NAV2: variants seen among roughly 807,000 people sequenced by gnomAD.
NAV2 encodes helicase, APC down-regulated 1.
NAV2 carries 54 observed loss-of-function variants against 223.2 expected under a neutral mutation model. That is an observed-to-expected ratio of 0.24 (90% CI 0.19 to 0.30). The LOEUF is 0.30. Ranked by LOEUF, NAV2 falls within the 10% of genes least tolerant of loss-of-function variation. NAV2 has a pLI of 1.00. For missense variants in NAV2, 2,806 were observed against 3,147.5 expected (o/e 0.89, Z 2.60); for synonymous variants, 1,279 against 1,239.3 (o/e 1.03, Z -0.67).
At chr11:19,594,992 A>G (rs1292235041) in intron 1 of NAV2, among the ~76,000 whole-genome samples, 2 of 152,214 alleles carry the variant, frequency 1.3e-5, no homozygotes, top group African/African-American at 4.8e-5. Flanking sequence ...ATTAGACACC[A>G]AGACAAGGAC....
intron 10 of NAV2, 122 bp downstream of exon 10, chr11:19,949,202 G>C (rs975350599): frequency 9.1e-7 from 1 of 1,102,758 alleles, no homozygotes; most frequent in Non-Finnish European, 1.3e-6. Context: ...AGTTTCTGCT[G>C]TCCATATCAA....
chr11:19,996,805 A>G lies in NAV2; in HGVS notation c.2768+12558A>G, dbSNP rs576272001. Among the ~76,000 whole-genome samples, 64 of 152,314 alleles carry G rather than the reference A, an allele frequency of 4.2e-4. 1 individual carries two copies. The highest frequency in any genetic ancestry group is 1.4e-3 in the African/African-American group (58 of 41,568). On this transcript the variant is annotated intron_variant, in intron 11 of 37. Coordinates refer to ENST00000349880, the MANE Select transcript of NAV2 (RefSeq NM_145117.5). The stretch of plus-strand genomic sequence containing the variant: ...TCTTCCTCATTAATCTGTGGCGCTC[A>G]GTACTGTAAAATTGCCTGAAACGAG...
chr11:19,488,340 G>A (rs1286836114), intron 1 of NAV2, among the ~76,000 whole-genome samples: 3 of 152,220 alleles, frequency 2.0e-5, no homozygotes, highest in African/African-American at 7.2e-5. Context: ...CAGTGCATTT[G>A]AGACTGTCAT....
At chr11:19,709,369 C>T (rs557076645), upstream of NAV2, among the ~76,000 whole-genome samples, 3 of 151,768 alleles carry the variant, frequency 2.0e-5, no homozygotes, top group South Asian at 2.1e-4. Flanking sequence ...GGTGGAACCC[C>T]GTCTCTACTA....
chr11:19,996,744 T>C (rs2051927662), intron 11 of NAV2, among the ~76,000 whole-genome samples: 1 of 152,242 alleles, frequency 6.6e-6, no homozygotes, highest in Admixed American at 6.5e-5. Flanking sequence ...GCTGCAGTCC[T>C]GTTATTTTCG....
At chr11:20,044,807 C>A (rs752650474) in intron 13 of NAV2, among the ~76,000 whole-genome samples, 161 bp from the exon 14 acceptor site, 1 of 152,078 alleles carries the variant, frequency 6.6e-6, no homozygotes. Context: ...AAAAGGCTCA[C>A]GGTACATTAG....
At chr11:19,765,525 G>A (rs551954755) in intron 1 of NAV2, among the ~76,000 whole-genome samples, 2 of 151,526 alleles carry the variant, frequency 1.3e-5, no homozygotes, top group Admixed American at 6.6e-5. Context: ...GCTGAAAGCT[G>A]TCCTTAACTG....
upstream of NAV2, among the ~76,000 whole-genome samples, chr11:19,348,168 G>A (rs1383718443): frequency 6.6e-6 from 1 of 152,204 alleles, no homozygotes. Context: ...CTGGTGTGAT[G>A]GGATGTGACA....
At chr11:19,835,357 G>C (rs750448855) in intron 2 of NAV2, among the ~76,000 whole-genome samples, 1 of 152,146 alleles carries the variant, frequency 6.6e-6, no homozygotes, top group African/African-American at 2.4e-5. Flanking sequence ...TGACTCTCTC[G>C]CCAGACTGGC....
At chr11:19,741,527 A>G (rs1257982549) in intron 1 of NAV2, among the ~76,000 whole-genome samples, 1 of 137,398 alleles carries the variant, frequency 7.3e-6, no homozygotes, top group Non-Finnish European at 1.5e-5. Flanking sequence ...GATTCCACAT[A>G]TAAGAGAGAT....
chr11:19,647,069 T>A (rs1474053430), intron 1 of NAV2, among the ~76,000 whole-genome samples: 1 of 152,062 alleles, frequency 6.6e-6, no homozygotes, highest in South Asian at 2.1e-4. Flanking sequence ...TTTCTCAGGG[T>A]CTCTGGCTTG....
Position 20,057,309 on chromosome 11 carries a change from G to A in NAV2, c.4831+1352G>A, listed in dbSNP as rs537605260. Among the ~76,000 whole-genome samples, 36 of 152,268 alleles carry A rather than the reference G, an allele frequency of 2.4e-4. No homozygotes were observed. In the South Asian group the frequency reaches 4.2e-3, roughly 18 times the overall value. On this transcript the variant is annotated intron_variant, in intron 19 of 37. Coordinates refer to ENST00000349880, the MANE Select transcript of NAV2 (RefSeq NM_145117.5). ...AAGTTTTAAAGAATGTATTTACAGAGCAATTGCCCCCTGGTTTATTTTCTT... is the reference window on the plus strand; with the variant it reads ...AAGTTTTAAAGAATGTATTTACAGAACAATTGCCCCCTGGTTTATTTTCTT...
chr11:19,703,442 C>T (rs1015221506), intron 1 of NAV2, among the ~76,000 whole-genome samples: 2 of 152,144 alleles, frequency 1.3e-5, no homozygotes, highest in African/African-American at 2.4e-5. Flanking sequence ...TTGAGAGAGC[C>T]GTGGGGAGGT....
chr11:19,789,029 C>T (rs1565319060), intron 1 of NAV2, among the ~76,000 whole-genome samples: 3 of 152,064 alleles, frequency 2.0e-5, no homozygotes, highest in Non-Finnish European at 4.4e-5. Context: ...TTTAATGCGG[C>T]CCCACTGAGA....
chr11:20,012,773 A>C (rs2053675704), intron 11 of NAV2, among the ~76,000 whole-genome samples: 1 of 152,144 alleles, frequency 6.6e-6, no homozygotes, highest in Admixed American at 6.5e-5. Context: ...GCTGTCTGTA[A>C]AGTCAAGAAA....
chr11:19,695,263 G>T (rs1176375137), intron 1 of NAV2, among the ~76,000 whole-genome samples: 1 of 152,214 alleles, frequency 6.6e-6, no homozygotes, highest in Non-Finnish European at 1.5e-5. Context: ...ACAGACTTTG[G>T]AGTCTGCAAT....
intron 11 of NAV2, chr11:20,027,626 C>T (rs1425581664): frequency 4.9e-6 from 1 of 202,628 alleles, no homozygotes; most frequent in Admixed American, 6.5e-5. Flanking sequence ...GGATTAGGAT[C>T]CTTGCTTTGT....
intron 1 of NAV2, among the ~76,000 whole-genome samples, chr11:19,437,211 C>T (rs1851246863): frequency 6.6e-6 from 1 of 152,078 alleles, no homozygotes; most frequent in Admixed American, 6.5e-5. Flanking sequence ...CTGGAAGGTC[C>T]CAGGTTCATT....
intron 10 of NAV2, among the ~76,000 whole-genome samples, chr11:19,962,696 T>G (rs2153410609): frequency 6.6e-6 from 1 of 152,266 alleles, no homozygotes; most frequent in South Asian, 2.1e-4. Context: ...CTGAAATAAC[T>G]GCAGAGTGAG....
Sources: gnomAD v4.1 joint callset for allele counts (sites outside exome capture counted in the v4.1 genomes callset) on GRCh38, gnomAD v4.1.1 for gene constraint, MANE v1.5 for transcripts, NCBI Gene and HGNC (gene_info 2026-07-23, HGNC 2026-07-21) for gene names.